Variants in KCNH7 observed in about 807,000 individuals in gnomAD.
The protein encoded by KCNH7 is voltage-gated inwardly rectifying potassium channel KCNH7.
Under a neutral mutation model 120.8 loss-of-function variants are expected in KCNH7, and 49 were observed. That is an observed-to-expected ratio of 0.41 (90% confidence interval 0.32 to 0.51). KCNH7 has a LOEUF of 0.51. Among genes scored for constraint, KCNH7 ranks in the 20% least tolerant of loss-of-function variants. KCNH7 has a pLI of 0.38. For synonymous variants in KCNH7, 547 were observed against 516.1 expected (o/e 1.06, Z -0.81); for missense variants, 1,097 against 1,446.6 (o/e 0.76, Z 3.92).
rs183399333 is a variant in KCNH7 at position 162,820,306 on chromosome 2, A to T, written c.307+16231T>A. Among the ~76,000 whole-genome samples, 77 of 146,462 alleles carry T rather than the reference A, an allele frequency of 5.3e-4. 1 individual carries two copies. In the East Asian group the frequency reaches 0.014, roughly 26 times the overall value. ...TAGCCAGGATGGTCTCCATCTCCTGACCTCGTGATCCGCCTGCCTCAGCCT... is the reference window on the plus strand; with the variant it reads ...TAGCCAGGATGGTCTCCATCTCCTGTCCTCGTGATCCGCCTGCCTCAGCCT... On this transcript the variant is annotated intron_variant, in intron 2 of 15. Transcript: ENST00000332142.
At chr2:162,550,326 C>A (rs1692627091) in intron 2 of KCNH7, among the ~76,000 whole-genome samples, 1 of 152,162 alleles carries the variant, frequency 6.6e-6, no homozygotes, top group Admixed American at 6.5e-5. Context: ...TTCTCTTCCT[C>A]CTCAGAATAG....
chr2:162,429,383 C>CTTTTTTTTTTTT lies in KCNH7; in HGVS notation c.1954+5803_1954+5814dup, dbSNP rs60854157. Among the ~76,000 whole-genome samples, 328 of 86,214 alleles carry CTTTTTTTTTTTT rather than the reference C, an allele frequency of 3.8e-3. 52 individuals carry two copies. The highest frequency in any genetic ancestry group is 0.019 in the African/African-American group (310 of 15,948). 56.6% of individuals were successfully genotyped at this position (86,214 alleles called of 152,430 possible). A position where few individuals can be genotyped will look rare whatever the true frequency, so the allele number is the denominator to read the frequency against. On this transcript the variant is annotated intron_variant, in intron 8 of 15. Transcript: ENST00000332142. ...AGACATTTAGAAATGAGGAAAAAGT[C>CTTTTTTTTTTTT]TTTTTTTTTTTTTTTTTTTTTTACT...
chr2:162,413,032 C>T (rs1687435794), intron 9 of KCNH7, among the ~76,000 whole-genome samples: 1 of 152,102 alleles, frequency 6.6e-6, no homozygotes, highest in South Asian at 2.1e-4. Context: ...AATAAAGGTT[C>T]TTAAATAGCC....
At chr2:162,549,785 C>T (rs923935477) in intron 2 of KCNH7, among the ~76,000 whole-genome samples, 1 of 152,084 alleles carries the variant, frequency 6.6e-6, no homozygotes, top group Admixed American at 6.5e-5. Context: ...TTATAGTTTG[C>T]TAGAGATTAA....
intron 13 of KCNH7, among the ~76,000 whole-genome samples, chr2:162,381,920 A>G (rs1443486095): frequency 6.6e-6 from 1 of 152,122 alleles, no homozygotes; most frequent in African/African-American, 2.4e-5. Context: ...TGGGCCAGTA[A>G]TGCTAAGCAA....
At chr2:162,570,669 C>T (rs918100864) in intron 2 of KCNH7, among the ~76,000 whole-genome samples, 8 of 152,134 alleles carry the variant, frequency 5.3e-5, no homozygotes, top group Non-Finnish European at 8.8e-5. Context: ...CGGCTGGTAT[C>T]GGTTGTTCCT....
chr2:162,720,929 C>G (rs1687303937), intron 2 of KCNH7, among the ~76,000 whole-genome samples: 1 of 152,062 alleles, frequency 6.6e-6, no homozygotes. Context: ...TTGTAATTTG[C>G]CTTATTAGCA....
At chr2:162,647,323 C>T (rs1003307913) in intron 2 of KCNH7, among the ~76,000 whole-genome samples, 5 of 152,128 alleles carry the variant, frequency 3.3e-5, no homozygotes, top group Non-Finnish European at 7.4e-5. Context: ...AATAGTTATA[C>T]TTAATAGCTA....
Position 162,642,495 on chromosome 2 carries a change from A to G in KCNH7, c.308-105415T>C, listed in dbSNP as rs73028572. 2.0e-5 allele frequency among the ~76,000 whole-genome samples: 3 copies of G among 152,220 alleles called. No individual in the cohort carries two copies. In the East Asian group the frequency reaches 5.8e-4, roughly 29 times the overall value. On this transcript the variant is annotated intron_variant, in intron 2 of 15. Coordinates refer to ENST00000332142, the MANE Select transcript of KCNH7 (RefSeq NM_033272.4). ...TTGCACATATTTCTGAGTTACTTAA[A>G]TGAAAGATTCTCAGTTTAGCTAATC...
chr2:162,698,605 G>A (rs778143322), intron 2 of KCNH7, among the ~76,000 whole-genome samples: 1 of 151,966 alleles, frequency 6.6e-6, no homozygotes, highest in Non-Finnish European at 1.5e-5. Flanking sequence ...TTGGATATTA[G>A]AAAGAGCACC....
chr2:162,539,324 C>T (rs1394227220), intron 2 of KCNH7, among the ~76,000 whole-genome samples: 1 of 152,004 alleles, frequency 6.6e-6, no homozygotes, highest in Non-Finnish European at 1.5e-5. Context: ...TTTCCTGGAT[C>T]ATTTAGAATA....
chr2:162,706,620 C>T (rs143777428), intron 2 of KCNH7, among the ~76,000 whole-genome samples: 2 of 151,998 alleles, frequency 1.3e-5, no homozygotes, highest in East Asian at 3.9e-4. Flanking sequence ...CAAACTCCAC[C>T]AAAAAATACT....
intron 6 of KCNH7, among the ~76,000 whole-genome samples, chr2:162,470,730 C>T (rs1689494179): frequency 6.6e-6 from 1 of 152,204 alleles, no homozygotes; most frequent in Non-Finnish European, 1.5e-5. Context: ...CGGCCACCAC[C>T]CCGTCTGGGA....
At chr2:162,506,913 C>T (rs1224008249) in intron 5 of KCNH7, among the ~76,000 whole-genome samples, 1 of 151,794 alleles carries the variant, frequency 6.6e-6, no homozygotes, top group Non-Finnish European at 1.5e-5. Context: ...TGTCACAATT[C>T]GCCTGCCTTA....
intron 2 of KCNH7, among the ~76,000 whole-genome samples, chr2:162,596,503 A>C (rs1447405961): frequency 6.6e-6 from 1 of 152,032 alleles, no homozygotes; most frequent in Non-Finnish European, 1.5e-5. Flanking sequence ...GGCTCTCTAC[A>C]TGCACAATAA....
chr2:162,777,339 A>G (rs1391808523), intron 2 of KCNH7, among the ~76,000 whole-genome samples: 1 of 152,092 alleles, frequency 6.6e-6, no homozygotes, highest in Non-Finnish European at 1.5e-5. Flanking sequence ...TGTAAATGCC[A>G]TATCAATAAT....
chr2:162,730,487 A>G (rs1242308729), intron 2 of KCNH7, among the ~76,000 whole-genome samples: 1 of 152,016 alleles, frequency 6.6e-6, no homozygotes, highest in East Asian at 1.9e-4. Flanking sequence ...AAAGAATACT[A>G]TTATAAATTT....
At chr2:162,746,416 A>G (rs924454615) in intron 2 of KCNH7, among the ~76,000 whole-genome samples, 5 of 152,150 alleles carry the variant, frequency 3.3e-5, no homozygotes, top group Non-Finnish European at 7.4e-5. Flanking sequence ...TCTTTAAAAT[A>G]TTTATAGTGA....
chr2:162,638,518 A>C (rs959809753), intron 2 of KCNH7, among the ~76,000 whole-genome samples: 2 of 152,126 alleles, frequency 1.3e-5, no homozygotes, highest in African/African-American at 4.8e-5. Context: ...ATGTCACATC[A>C]TTAACTCTGA....
Sources: allele counts gnomAD v4.1 joint callset (sites outside exome capture counted in the v4.1 genomes callset), GRCh38; gene constraint gnomAD v4.1.1; transcripts MANE v1.5; gene names NCBI Gene and HGNC (gene_info 2026-07-23, HGNC 2026-07-21).